BIRC6: variants seen among roughly 807,000 people sequenced by gnomAD.
BIRC6 encodes baculoviral IAP repeat containing 6.
BIRC6 carries 98 observed loss-of-function variants against 503.3 expected under a neutral mutation model. The observed-to-expected ratio is 0.19, with a 90% CI of 0.17 to 0.23. BIRC6 has a LOEUF of 0.23. Ranked by LOEUF, BIRC6 falls within the 10% of genes least tolerant of loss-of-function variation. The pLI, the probability that BIRC6 is intolerant of heterozygous loss-of-function variation, is 1.00. For missense variants in BIRC6, 5,360 were observed against 5,806.0 expected, an observed-to-expected ratio of 0.92 and a Z score of 2.50; for synonymous variants, 2,240 against 2,078.7, an observed-to-expected ratio of 1.08 and a Z score of -2.11.
At chr2:32,566,607 G>A (rs1407202312) in intron 65 of BIRC6, among the ~76,000 whole-genome samples, 1 of 152,114 alleles carries the variant, frequency 6.6e-6, no homozygotes, top group African/African-American at 2.4e-5. Flanking sequence ...TTCTGCCCCA[G>A]CCTTCCAAAT....
chr2:32,422,098 A>G (rs368842710), intron 10 of BIRC6, among the ~76,000 whole-genome samples: 3 of 152,180 alleles, frequency 2.0e-5, no homozygotes, highest in East Asian at 3.8e-4. Context: ...TACTAATAAA[A>G]TCACTCTGGT....
intron 16 of BIRC6, 128 bp from the exon 17 acceptor site, chr2:32,441,201 C>T: frequency 1.4e-6 from 1 of 692,036 alleles, no homozygotes; most frequent in Non-Finnish European, 2.4e-6. Context: ...TACAAGCTAT[C>T]ATTTTAACTT....
At position 32,442,093 on chromosome 2, in the gene BIRC6, T is replaced by C. The variant is rs1181125535; in HGVS notation, c.3973T>C (p.Ser1325Pro). 6.3e-7 allele frequency: 1 copy of C among 1,590,782 alleles called. No individual in the cohort carries two copies. The highest frequency in any genetic ancestry group is 8.5e-7 in the Non-Finnish European group (1 of 1,173,254). ...RVQRCAMLQF[S>P]EFHEKLLNTL... ...GCAACGATGTGCCATGTTACAGTTT[T>C]CAGAATTTCATGAGAAGCTTCTTAA... The change falls in exon 18 of 74, where the codon TCA (serine) becomes CCA (proline). Residue 1325 changes from serine to proline, a missense_variant. Physicochemically the swap from Ser to Pro is moderately conservative, Grantham distance 74. Transcript: ENST00000421745.
At chr2:32,493,288 C>A (rs2051987034) in intron 44 of BIRC6, among the ~76,000 whole-genome samples, 1 of 151,678 alleles carries the variant, frequency 6.6e-6, no homozygotes, top group Non-Finnish European at 1.5e-5. Flanking sequence ...GTATTGAGTT[C>A]AATAAACCTA....
Position 32,477,520 on chromosome 2 carries a change from T to C in BIRC6, c.7005T>C (p.Leu2335=), listed in dbSNP as rs1372279960. Residue 2335 remains leucine (L), a synonymous_variant, in exon 35 of 74, where the codon CTT becomes CTC. Transcript: ENST00000421745. The part of the protein sequence containing the change: ...HERCISVVQK[L]VLFLLSMDFT... ...GTTGTATCTCAGTAGTCCAGAAACT[T>C]GTTCTGTTTCTTCTCTCCATGGACT... 3.0e-5 allele frequency: 48 copies of C among 1,613,822 alleles called. No homozygotes were observed. The highest frequency in any genetic ancestry group is 3.9e-5 in the Non-Finnish European group (46 of 1,179,852).
intron 45 of BIRC6, among the ~76,000 whole-genome samples, chr2:32,495,860 C>T (rs1235044209): frequency 4.6e-5 from 6 of 129,272 alleles, no homozygotes; most frequent in South Asian, 2.6e-4. Flanking sequence ...TTTTTTGAGA[C>T]GGAGTCTCTC....
chr2:32,548,303 G>A (rs1340242828), intron 64 of BIRC6, among the ~76,000 whole-genome samples: 1 of 114,494 alleles, frequency 8.7e-6, no homozygotes, highest in Non-Finnish European at 1.8e-5. Context: ...TGTTTAATGT[G>A]TTGTATCTGG....
In BIRC6 at chr2:32,487,695, A is replaced by G; in HGVS notation, c.7862A>G (p.Gln2621Arg). 2 of 1,613,784 alleles carry G rather than the reference A, an allele frequency of 1.2e-6. No individual in the cohort carries two copies. Among genetic ancestry groups the G allele is most frequent in the South Asian group, 2.2e-5 (2 of 91,076 alleles). ...GTDDSLLGGL[Q>R]AANQTSQLII... ...GATGATTCACTTCTAGGGGGTTTAC[A>G]AGCAGCAAACCAAACCAGCCAGCTT... is the stretch of plus-strand genomic sequence containing the variant. Residue 2621 changes from glutamine to arginine, a missense_variant, in exon 41 of 74, where the codon CAA becomes CGA. Transcript: ENST00000421745.
At chr2:32,460,033 T>C (rs915301240) in intron 23 of BIRC6, among the ~76,000 whole-genome samples, 3 of 149,740 alleles carry the variant, frequency 2.0e-5, no homozygotes, top group Non-Finnish European at 4.4e-5. Context: ...TTTCTCATCA[T>C]TTTATCGTCG....
At chr2:32,432,398 C>T (rs2044226664) in intron 12 of BIRC6, among the ~76,000 whole-genome samples, 1 of 152,056 alleles carries the variant, frequency 6.6e-6, no homozygotes, top group Non-Finnish European at 1.5e-5. Flanking sequence ...GCCTGGGCTA[C>T]AGAGTGAGAC....
At position 32,401,466 on chromosome 2, in the gene BIRC6, C is replaced by T; in HGVS notation, c.1261C>T (p.His421Tyr). The T allele has an allele frequency of 6.2e-7, 1 of 1,613,586 alleles. No individual in the cohort carries two copies. Among genetic ancestry groups the T allele is most frequent in the East Asian group, 2.2e-5 (1 of 44,880 alleles). Residue 421 changes from histidine to tyrosine, a missense_variant, in exon 8 of 74, where the codon CAC becomes TAC. Coordinates refer to ENST00000421745, the MANE Select transcript of BIRC6 (RefSeq NM_016252.4). ...CTTAGGCTTTTCATTTGTTTAGGTGCACTTAAAGTTTGAAATTAATGCCTA... is the reference window on the plus strand; with the variant it reads ...CTTAGGCTTTTCATTTGTTTAGGTGTACTTAAAGTTTGAAATTAATGCCTA... ...IWDVSKLMKVHLKFEINAYDP... is the reference protein window; with the variant it reads ...IWDVSKLMKVYLKFEINAYDP...
intron 55 of BIRC6, among the ~76,000 whole-genome samples, chr2:32,517,358 A>G (rs914262677): frequency 5.3e-5 from 8 of 152,178 alleles, no homozygotes; most frequent in Non-Finnish European, 1.0e-4. Context: ...AACCTAAACA[A>G]AACAGAGGAA....
intron 2 of BIRC6, among the ~76,000 whole-genome samples, chr2:32,378,392 G>GTTCT (rs920952457): frequency 6.6e-6 from 1 of 151,888 alleles, no homozygotes; most frequent in South Asian, 2.1e-4. Context: ...GAAAGAGGTG[G>GTTCT]TTCTTTCTTT....
At chr2:32,526,169 TAC>T (rs1417852910) in intron 59 of BIRC6, among the ~76,000 whole-genome samples, 2 of 152,174 alleles carry the variant, frequency 1.3e-5, no homozygotes, top group East Asian at 3.8e-4. Flanking sequence ...ATATGACGGT[TAC>T]AGTCTAAACA....
At chr2:32,434,886 A>G (rs1393911157) in intron 13 of BIRC6, among the ~76,000 whole-genome samples, 2 of 152,162 alleles carry the variant, frequency 1.3e-5, no homozygotes, top group Non-Finnish European at 2.9e-5. Context: ...TTTGCATGGC[A>G]TTCACATTGT....
At chr2:32,368,811 C>G (rs540043385) in intron 1 of BIRC6, among the ~76,000 whole-genome samples, 1 of 152,142 alleles carries the variant, frequency 6.6e-6, no homozygotes, top group Non-Finnish European at 1.5e-5. Flanking sequence ...ACCACCATGC[C>G]CAGCTAATTT....
rs755342901 is a variant in BIRC6 at position 32,357,223 on chromosome 2, T to C, written c.62T>C (p.Ile21Thr). The C allele has an allele frequency of 3.7e-5, 56 of 1,533,230 alleles. 1 individual carries two copies. The Middle Eastern group carries it at 3.1e-3, about 85-fold the overall frequency. 95.0% of individuals were successfully genotyped at this position (1,533,230 alleles called of 1,614,324 possible). ...GTVTEPLPSVIVLSAGRKMAA... is the reference protein window; with the variant it reads ...GTVTEPLPSVTVLSAGRKMAA... The stretch of plus-strand genomic sequence containing the variant: ...GTCACTGAGCCGCTTCCCAGTGTGA[T>C]TGTGCTGAGCGCAGGCCGGAAGATG... The change falls in exon 1 of 74, where the codon ATT becomes ACT. Residue 21 changes from isoleucine to threonine, a missense_variant. Ile to Thr is a moderately conservative substitution (Grantham distance 89). Transcript: ENST00000421745. The surrounding 1 kb of genome is among the most constrained non-coding windows in gnomAD (Gnocchi z 4.9).
intron 65 of BIRC6, among the ~76,000 whole-genome samples, chr2:32,560,921 CG>C (rs1250799386): frequency 6.6e-6 from 1 of 151,692 alleles, no homozygotes; most frequent in Admixed American, 6.6e-5. Context: ...GCAAGTAGGC[CG>C]GGGGCGGTGG....
rs1047120674 is a variant in BIRC6 at position 32,464,890 on chromosome 2, T to C, written c.5256+67T>C. 20 of 1,518,958 alleles carry C rather than the reference T, an allele frequency of 1.3e-5. No homozygotes were observed. In the Middle Eastern group the frequency reaches 8.9e-4, roughly 67 times the overall value. 94.1% of individuals were successfully genotyped at this position (1,518,958 alleles called of 1,614,324 possible). On this transcript the variant is annotated intron_variant, in intron 25 of 73. Coordinates refer to ENST00000421745, the MANE Select transcript of BIRC6 (RefSeq NM_016252.4). Reference sequence around the variant, plus strand: ...AATATCTTGAAATATACTCTAACTTTAGAAGGCAAAATTTTTAATACCAAC... The same window carrying C: ...AATATCTTGAAATATACTCTAACTTCAGAAGGCAAAATTTTTAATACCAAC...
Sources: allele counts gnomAD v4.1 joint callset (sites outside exome capture counted in the v4.1 genomes callset), GRCh38; gene constraint gnomAD v4.1.1; non-coding constraint Gnocchi (gnomAD v3.1); transcripts MANE v1.5; gene names NCBI Gene and HGNC (gene_info 2026-07-23, HGNC 2026-07-21).